TENM2: variants seen among roughly 807,000 people sequenced by gnomAD.
The protein encoded by TENM2 is teneurin transmembrane protein 2, also known as teneurin-2.
TENM2 carries 52 observed loss-of-function variants against 245.2 expected under a neutral mutation model. The ratio of observed to expected loss-of-function variants is 0.21; its 90% confidence interval spans 0.17 to 0.27. The LOEUF (loss-of-function observed/expected upper bound fraction) is 0.27, where lower values mean the gene tolerates loss of function less well. Ranked by LOEUF, TENM2 falls within the 10% of genes least tolerant of loss-of-function variation. The pLI, the probability that TENM2 is intolerant of heterozygous loss-of-function variation, is 1.00. For synonymous variants in TENM2, 1,363 were observed against 1,438.9 expected, an observed-to-expected ratio of 0.95 and a Z score of 1.19; for missense variants, 3,046 against 3,666.8, an observed-to-expected ratio of 0.83 and a Z score of 4.37.
intron 12 of TENM2, among the ~76,000 whole-genome samples, chr5:168,151,613 G>C (rs1300757713): frequency 1.3e-5 from 2 of 152,188 alleles, no homozygotes; most frequent in African/African-American, 2.4e-5. Flanking sequence ...TTTTACCCAA[G>C]ATCATGCAGC....
chr5:167,791,021 A>G (rs967244065), intron 2 of TENM2, among the ~76,000 whole-genome samples: 5 of 152,174 alleles, frequency 3.3e-5, no homozygotes, highest in African/African-American at 1.2e-4. Context: ...TCTCATGGCC[A>G]TGCATGTCTC....
intron 25 of TENM2, among the ~76,000 whole-genome samples, chr5:168,231,681 T>C (rs1764922417): frequency 6.6e-6 from 1 of 151,030 alleles, no homozygotes; most frequent in Non-Finnish European, 1.5e-5. Context: ...GGGAGGATCA[T>C]TTTCGCCTAG....
At chr5:167,268,296 G>T in the TENM2 span, among the ~76,000 whole-genome samples, 1 of 152,116 alleles carries the variant, frequency 6.6e-6, no homozygotes. Flanking sequence ...TATACAGAAA[G>T]GTCAGATTTC....
At chr5:167,277,204 A>G in the TENM2 span, among the ~76,000 whole-genome samples, 1 of 150,664 alleles carries the variant, frequency 6.6e-6, no homozygotes, top group African/African-American at 2.4e-5. Context: ...GGGAGCTTAT[A>G]TTATTGATTT....
chr5:168,065,230 A>G (rs1358444397), intron 7 of TENM2, among the ~76,000 whole-genome samples: 1 of 152,208 alleles, frequency 6.6e-6, no homozygotes, highest in Admixed American at 6.5e-5. Context: ...TACAAGGTTT[A>G]GTATCCTTGT....
At chr5:168,234,647 G>T (rs1230138521) in intron 25 of TENM2, among the ~76,000 whole-genome samples, 1 of 152,106 alleles carries the variant, frequency 6.6e-6, no homozygotes, top group Non-Finnish European at 1.5e-5. Context: ...TAGGCTTTTG[G>T]AAGAGAGAAC....
the TENM2 span, among the ~76,000 whole-genome samples, chr5:167,121,196 A>T: frequency 6.6e-6 from 1 of 152,040 alleles, no homozygotes; most frequent in Non-Finnish European, 1.5e-5. Flanking sequence ...GCTTTCATGG[A>T]GATTCTATTC....
At chr5:167,423,178 T>C (rs1763612411) in intron 2 of TENM2, among the ~76,000 whole-genome samples, 1 of 152,146 alleles carries the variant, frequency 6.6e-6, no homozygotes, top group African/African-American at 2.4e-5. Flanking sequence ...TTAGAGGTGT[T>C]CCTAAGACTT....
At chr5:167,928,950 AGAAAT>A (rs1025533805) in intron 3 of TENM2, among the ~76,000 whole-genome samples, 1 of 148,350 alleles carries the variant, frequency 6.7e-6, no homozygotes, top group Admixed American at 6.8e-5. Flanking sequence ...GAAAAAGAAA[AGAAAT>A]AAAAGAAATA....
chr5:167,956,667 A>G (rs934678063), intron 4 of TENM2, among the ~76,000 whole-genome samples: 5 of 152,196 alleles, frequency 3.3e-5, no homozygotes, highest in African/African-American at 1.2e-4. Context: ...GTTTATTGAG[A>G]GTTTTTAGCA....
At chr5:167,544,994 G>T (rs906184862) in intron 2 of TENM2, among the ~76,000 whole-genome samples, 1 of 152,096 alleles carries the variant, frequency 6.6e-6, no homozygotes, top group African/African-American at 2.4e-5. Context: ...AGAATGGCAT[G>T]GTTACTGCTC....
intron 2 of TENM2, among the ~76,000 whole-genome samples, chr5:167,497,029 A>G (rs1768864744): frequency 6.6e-6 from 1 of 151,448 alleles, no homozygotes; most frequent in Admixed American, 6.6e-5. Flanking sequence ...TCTGAAGAAG[A>G]GTAAGATCAG....
chr5:167,375,129 A>G, intron 1 of TENM2, 69 bp from the exon 4 acceptor site: 2 of 1,488,762 alleles, frequency 1.3e-6, no homozygotes, highest in Non-Finnish European at 1.8e-6. Flanking sequence ...GCTTTTTTGT[A>G]AGGATAAATT....
At chr5:167,195,058 C>A in the TENM2 span, among the ~76,000 whole-genome samples, 1 of 151,866 alleles carries the variant, frequency 6.6e-6, no homozygotes, top group Non-Finnish European at 1.5e-5. Flanking sequence ...CTAATCCATG[C>A]AATTATAAAA....
intron 17 of TENM2, among the ~76,000 whole-genome samples, chr5:168,202,943 G>C: frequency 6.6e-6 from 1 of 152,148 alleles, no homozygotes; most frequent in Non-Finnish European, 1.5e-5. Flanking sequence ...CTGAGAAATT[G>C]AGGCTTCACT....
intron 2 of TENM2, among the ~76,000 whole-genome samples, chr5:167,596,485 T>A (rs1776219541): frequency 1.3e-5 from 2 of 152,050 alleles, no homozygotes; most frequent in Non-Finnish European, 2.9e-5. Flanking sequence ...TCTGTGTTAA[T>A]GGTAAAAAAT....
At chr5:168,162,444 C>T (rs1757826760) in intron 12 of TENM2, among the ~76,000 whole-genome samples, 167 bp from the exon 15 acceptor site, 1 of 152,210 alleles carries the variant, frequency 6.6e-6, no homozygotes, top group Non-Finnish European at 1.5e-5. Flanking sequence ...TGTCTTGCTA[C>T]TGCATGCGTT....
In TENM2 at chr5:167,427,175, C is replaced by T. The variant is rs142732739; in HGVS notation, c.502+51702C>T. On this transcript the variant is annotated intron_variant, in intron 2 of 28. Transcript: ENST00000518659. ...AAACAACCAAAAGAAACAGAAAGGC[C>T]GGGCGCGGTGGCTCACGGCTGTAAT... Among the ~76,000 whole-genome samples, 537 of 152,060 alleles carry T rather than the reference C, an allele frequency of 3.5e-3. 1 individual carries two copies. Among genetic ancestry groups the T allele is most frequent in the African/African-American group, 0.012 (506 of 41,514 alleles).
chr5:168,245,044 G>A (rs1394815496), intron 26 of TENM2, among the ~76,000 whole-genome samples: 1 of 152,106 alleles, frequency 6.6e-6, no homozygotes, highest in Admixed American at 6.6e-5. Context: ...TGGGATTACA[G>A]GTATGAGTCA....
Sources: allele counts gnomAD v4.1 joint callset (sites outside exome capture counted in the v4.1 genomes callset), GRCh38; gene constraint gnomAD v4.1.1; transcripts MANE v1.5; gene names NCBI Gene and HGNC (gene_info 2026-07-23, HGNC 2026-07-21).